Variants in RNLS observed in about 807,000 individuals in gnomAD.
RNLS encodes the protein renalase.
A neutral mutation model predicts 39.8 loss-of-function variants in RNLS; 39 were observed. The ratio of observed to expected loss-of-function variants is 0.98; its 90% CI spans 0.76 to 1.28. The LOEUF is 1.28. Among genes scored for constraint, RNLS ranks in the 50% most tolerant of loss-of-function variants. The pLI is 0.00. For missense variants in RNLS, 410 were observed against 413.3 expected (o/e 0.99, Z 0.07); for synonymous variants, 147 against 150.7 (o/e 0.98, Z 0.18).
At chr10:88,179,612 A>G in the RNLS span, among the ~76,000 whole-genome samples, 5 of 152,204 alleles carry the variant, frequency 3.3e-5, no homozygotes, top group Non-Finnish European at 7.3e-5. Context: ...CAAACTGGGA[A>G]ATATAGAGAT....
the RNLS span, among the ~76,000 whole-genome samples, chr10:88,177,105 G>T: frequency 6.6e-6 from 1 of 152,126 alleles, no homozygotes; most frequent in South Asian, 2.1e-4. Context: ...TAAGCACCCT[G>T]TATCTGGATG....
intron 4 of RNLS, among the ~76,000 whole-genome samples, chr10:88,548,474 A>C (rs1848448242): frequency 6.7e-6 from 1 of 148,522 alleles, no homozygotes; most frequent in Non-Finnish European, 1.5e-5. Flanking sequence ...CCCTATCTCT[A>C]CTAAAAATAC....
At chr10:88,323,427 T>C (rs1420265054) in intron 5 of RNLS, among the ~76,000 whole-genome samples, 1 of 152,054 alleles carries the variant, frequency 6.6e-6, no homozygotes, top group Non-Finnish European at 1.5e-5. Context: ...TGGAACAGAA[T>C]ACGGAACACA....
chr10:88,296,571 T>C (rs1844111408), intron 6 of RNLS, among the ~76,000 whole-genome samples: 1 of 152,156 alleles, frequency 6.6e-6, no homozygotes, highest in Non-Finnish European at 1.5e-5. Context: ...TCCTTCTACT[T>C]TTAATAGTGT....
intron 6 of RNLS, 65 bp from the exon 7 acceptor site, chr10:88,285,571 C>A: frequency 1.4e-6 from 2 of 1,391,776 alleles, no homozygotes; most frequent in African/African-American, 1.4e-5. Flanking sequence ...ATGGCAACAC[C>A]CACCTGGAAA....
chr10:88,309,956 T>C (rs1845232289), intron 6 of RNLS, among the ~76,000 whole-genome samples: 1 of 152,200 alleles, frequency 6.6e-6, no homozygotes, highest in Non-Finnish European at 1.5e-5. Flanking sequence ...CTCATACTTA[T>C]AATCCTAGCA....
At chr10:88,383,608 T>C (rs567925801) in intron 4 of RNLS, among the ~76,000 whole-genome samples, 2 of 152,232 alleles carry the variant, frequency 1.3e-5, no homozygotes, top group Middle Eastern at 3.4e-3. Flanking sequence ...CAAGTGCAAA[T>C]GAAATTTCCT....
At chr10:88,196,143 A>T in the RNLS span, among the ~76,000 whole-genome samples, 1 of 142,820 alleles carries the variant, frequency 7.0e-6, no homozygotes, top group African/African-American at 2.6e-5. Context: ...GACTTGAGGG[A>T]TCTCTCTTTT....
chr10:88,396,171 T>C (rs1300655369), intron 4 of RNLS, among the ~76,000 whole-genome samples: 2 of 152,104 alleles, frequency 1.3e-5, no homozygotes, highest in Non-Finnish European at 2.9e-5. Context: ...CTGGTAAAGA[T>C]ACCTAAAAAG....
intron 5 of RNLS, among the ~76,000 whole-genome samples, chr10:88,355,934 G>A (rs1028707881): frequency 4.6e-5 from 7 of 152,188 alleles, no homozygotes; most frequent in Non-Finnish European, 1.0e-4. Flanking sequence ...CCCCAGCCTC[G>A]CTGCTGCCTT....
intron 5 of RNLS, chr10:88,343,642 T>C (rs1848116205): frequency 7.1e-6 from 7 of 985,404 alleles, no homozygotes; most frequent in Non-Finnish European, 7.2e-6. Flanking sequence ...AAAAATTCCA[T>C]AGATTCTGTC....
downstream of RNLS, among the ~76,000 whole-genome samples, chr10:88,283,871 T>G (rs1355247292): frequency 1.3e-5 from 2 of 151,984 alleles, no homozygotes; most frequent in African/African-American, 2.4e-5. Flanking sequence ...TAGGCTTAAC[T>G]CCTGGGTGAC....
At chr10:88,451,554 T>C (rs917614932) in intron 4 of RNLS, among the ~76,000 whole-genome samples, 29 of 152,206 alleles carry the variant, frequency 1.9e-4, no homozygotes, top group Non-Finnish European at 8.8e-5. Context: ...GATCTTGAAT[T>C]GTCTTCTGGG....
intron 5 of RNLS, among the ~76,000 whole-genome samples, chr10:88,324,806 T>A (rs1846461144): frequency 6.6e-6 from 1 of 152,190 alleles, no homozygotes; most frequent in Non-Finnish European, 1.5e-5. Context: ...TAAGTAACTA[T>A]TCTCCCTTCC....
intron 6 of RNLS, among the ~76,000 whole-genome samples, chr10:88,302,664 T>C (rs906131465): frequency 5.9e-5 from 9 of 152,188 alleles, no homozygotes; most frequent in Non-Finnish European, 8.8e-5. Flanking sequence ...ACTGATGATA[T>C]GTTGAAGAAT....
At chr10:88,256,643 C>T in the RNLS span, among the ~76,000 whole-genome samples, 2 of 152,172 alleles carry the variant, frequency 1.3e-5, no homozygotes, top group Non-Finnish European at 2.9e-5. Flanking sequence ...GTATCTTGGG[C>T]AGAGTGTAGG....
At chr10:88,365,649 TA>T (rs1482161174) in intron 4 of RNLS, among the ~76,000 whole-genome samples, 1 of 151,936 alleles carries the variant, frequency 6.6e-6, no homozygotes, top group African/African-American at 2.4e-5. Context: ...GTAAAATGGC[TA>T]AAAATTGTAG....
chr10:88,492,655 G>C (rs1417337922), intron 4 of RNLS, among the ~76,000 whole-genome samples: 1 of 152,068 alleles, frequency 6.6e-6, no homozygotes, highest in Non-Finnish European at 1.5e-5. Flanking sequence ...CTGACCTCAA[G>C]TAATCCACCC....
chr10:88,481,563 C>T (rs572916516), intron 4 of RNLS, among the ~76,000 whole-genome samples: 2 of 152,208 alleles, frequency 1.3e-5, no homozygotes, highest in Admixed American at 6.5e-5. Flanking sequence ...TGTCGTGAAA[C>T]ATAGAAAATC....
Sources: gnomAD v4.1 joint callset for allele counts (sites outside exome capture counted in the v4.1 genomes callset) on GRCh38, gnomAD v4.1.1 for gene constraint, MANE v1.5 for transcripts, NCBI Gene and HGNC (gene_info 2026-07-23, HGNC 2026-07-21) for gene names.